The following DCP2 variants were observed in gnomAD, a reference collection of about 807,000 sequenced individuals.
DCP2 encodes decapping mRNA 2, also known as m7GpppN-mRNA hydrolase.
DCP2 carries 30 observed loss-of-function variants against 56.1 expected under a neutral mutation model. That is an observed-to-expected ratio of 0.53 (90% CI 0.40 to 0.73). The LOEUF is 0.73. DCP2 is among the 30% of genes least tolerant of loss of function. The pLI is 0.00. For synonymous variants in DCP2, 197 were observed against 163.3 expected (o/e 1.21, Z -1.57); for missense variants, 533 against 502.7 (o/e 1.06, Z -0.58).
rs778889207 is a variant in DCP2 at position 113,001,557 on chromosome 5, GT to G, written c.699-7del. 6.2e-7 allele frequency: 1 copy of G among 1,613,462 alleles called. No individual in the cohort carries two copies. The highest frequency in any genetic ancestry group is 8.5e-7 in the Non-Finnish European group (1 of 1,179,560). ...CATATTTTGAAAGTGAATTCTTAAT[GT>G]TTCTGCAGACCATTAAGGGACTGGC... On this transcript the variant is annotated splice_polypyrimidine_tract_variant and intron_variant, in intron 6 of 10. Coordinates refer to ENST00000389063, the MANE Select transcript of DCP2 (RefSeq NM_152624.6).
intron 1 of DCP2, among the ~76,000 whole-genome samples, chr5:112,979,225 G>T (rs1747882734): frequency 6.6e-6 from 1 of 152,014 alleles, no homozygotes; most frequent in Non-Finnish European, 1.5e-5. Flanking sequence ...TATAAATAAG[G>T]ATATGATATA....
chr5:112,977,378 C>T (rs762571760), intron 1 of DCP2, among the ~76,000 whole-genome samples: 1 of 152,176 alleles, frequency 6.6e-6, no homozygotes, highest in Non-Finnish European at 1.5e-5. Flanking sequence ...CTCCCTGTGT[C>T]TCATTCCCCG....
At chr5:113,000,901 A>T (rs879349976) in intron 4 of DCP2, among the ~76,000 whole-genome samples, 183 bp from the exon 5 acceptor site, 1 of 152,222 alleles carries the variant, frequency 6.6e-6, no homozygotes, top group Admixed American at 6.5e-5. Flanking sequence ...CAGTATTAGA[A>T]ACAATAGGGC....
chr5:112,984,691 A>ATATATATAT (rs1561685051), intron 1 of DCP2: 13 of 70,292 alleles, frequency 1.8e-4, no homozygotes, highest in African/African-American at 9.5e-4. Context: ...TTAATTAAAA[A>ATATATATAT]AAAAAAAAAA....
In DCP2 at chr5:113,021,817, G is replaced by A. The variant is rs1750155968; in HGVS notation, c.*8333G>A. On this transcript the variant is annotated 3_prime_UTR_variant, in exon 11 of 11. Coordinates refer to ENST00000389063, the MANE Select transcript of DCP2 (RefSeq NM_152624.6). The stretch of plus-strand genomic sequence containing the variant: ...CCTATATGACTTCCTTGCATTTCCA[G>A]TCCTTGATTACATTCCATTTTAATG... Among the ~76,000 whole-genome samples the A allele has an allele frequency of 6.6e-6, 1 of 152,160 alleles. No individual in the cohort carries two copies. Among genetic ancestry groups the A allele is most frequent in the Non-Finnish European group, 1.5e-5 (1 of 68,032 alleles).
rs558528915 is a variant in DCP2 at position 113,016,446 on chromosome 5, C to T, written c.*2962C>T. ...ACTTGCTGTTCTGAGCTTTGAATATCGTTATTTTTCTATTAAATATCAATT... is the reference window on the plus strand; with the variant it reads ...ACTTGCTGTTCTGAGCTTTGAATATTGTTATTTTTCTATTAAATATCAATT... On this transcript the variant is annotated 3_prime_UTR_variant, in exon 11 of 11. Coordinates refer to ENST00000389063, the MANE Select transcript of DCP2 (RefSeq NM_152624.6). 9 of 152,256 alleles carry T rather than the reference C, an allele frequency of 5.9e-5. No individual in the cohort carries two copies. The East Asian group carries it at 1.3e-3, about 23-fold the overall frequency. The allele number at this position is 152,256 out of a possible 1,614,324, so 9.4% of individuals were successfully genotyped here.
chr5:113,011,158 G>T (rs778260492), intron 10 of DCP2, among the ~76,000 whole-genome samples: 1 of 152,120 alleles, frequency 6.6e-6, no homozygotes, highest in African/African-American at 2.4e-5. Flanking sequence ...CTATATAAGG[G>T]GTGCACTGAC....
chr5:113,003,969 G>C lies in DCP2; in HGVS notation c.834G>C (p.Gln278His). 6.2e-7 allele frequency: 1 copy of C among 1,614,106 alleles called. No homozygotes were observed. Among genetic ancestry groups the C allele is most frequent in the South Asian group, 1.1e-5 (1 of 91,080 alleles). ...GAACCAAATTCCGCCACAGTCAGCA[G>C]TTATTTCCTGACGGTTCTCCTGGTG... is the stretch of plus-strand genomic sequence containing the variant. Reference protein sequence around the residue: ...LSRTKFRHSQQLFPDGSPGDQ... With the variant: ...LSRTKFRHSQHLFPDGSPGDQ... The change falls in exon 8 of 11, where the codon CAG (glutamine) becomes CAC (histidine). Residue 278 changes from glutamine (Q) to histidine (H), a missense_variant. Physicochemically the swap from Gln to His is conservative, Grantham distance 24. This residue lies in a region of DCP2 where 392 missense variants were observed against 346.6 expected (regional missense o/e 1.13). Coordinates refer to ENST00000389063, the MANE Select transcript of DCP2 (RefSeq NM_152624.6).
At chr5:112,991,824 C>T (rs1490425753) in intron 2 of DCP2, among the ~76,000 whole-genome samples, 2 of 152,106 alleles carry the variant, frequency 1.3e-5, no homozygotes, top group Middle Eastern at 3.2e-3. Context: ...GTTAGGGATC[C>T]AGGACTGTGA....
At chr5:112,994,940 A>G (rs541375884) in intron 4 of DCP2, among the ~76,000 whole-genome samples, 1 of 152,342 alleles carries the variant, frequency 6.6e-6, no homozygotes, top group South Asian at 2.1e-4. Flanking sequence ...ACATTTCATT[A>G]GAATTCATTG....
intron 7 of DCP2, among the ~76,000 whole-genome samples, chr5:113,003,631 A>G (rs563162512): frequency 1.3e-5 from 2 of 152,306 alleles, no homozygotes; most frequent in East Asian, 3.9e-4. Context: ...TAGTCTGCAT[A>G]TTTTTTAAGA....
intron 4 of DCP2, among the ~76,000 whole-genome samples, chr5:112,996,127 G>A (rs1027792296): frequency 9.9e-5 from 15 of 152,124 alleles, no homozygotes; most frequent in Non-Finnish European, 7.4e-5. Flanking sequence ...TTTGGTGAGG[G>A]GACATAATTT....
Position 112,976,872 on chromosome 5 carries a change from C to G in DCP2, c.-62C>G. 1.9e-6 allele frequency: 3 copies of G among 1,560,096 alleles called. No homozygotes were observed. Among genetic ancestry groups the G allele is most frequent in the Admixed American group, 1.7e-5 (1 of 59,960 alleles). ...CTCCGGCGAGCCGGAGTCCTAGTGC[C>G]GTACCGTCAGTCCCCGGCCGCGCGG... is the stretch of plus-strand genomic sequence containing the variant. On this transcript the variant is annotated 5_prime_UTR_variant, in exon 1 of 11. Transcript: ENST00000389063.
chr5:112,987,624 T>C (rs911702114), intron 2 of DCP2, among the ~76,000 whole-genome samples: 1,601 of 133,046 alleles, frequency 0.012, 12 homozygotes, highest in African/African-American at 0.042. Context: ...AGGTGCCTTT[T>C]TTTTTTTTTT....
chr5:113,009,747 A>G (rs1050378634), intron 9 of DCP2, among the ~76,000 whole-genome samples: 4 of 152,144 alleles, frequency 2.6e-5, no homozygotes, highest in African/African-American at 9.7e-5. Context: ...GAATTTCTTC[A>G]CATTATATTC....
At chr5:112,992,814 G>T (rs1333489851) in intron 4 of DCP2, 44 bp downstream of exon 4, 4 of 1,464,242 alleles carry the variant, frequency 2.7e-6, no homozygotes, top group Non-Finnish European at 2.7e-6. Context: ...GGCTATTAGG[G>T]TCTGAATGTA....
intron 7 of DCP2, among the ~76,000 whole-genome samples, chr5:113,002,250 C>G (rs1749214101): frequency 6.6e-6 from 1 of 151,922 alleles, no homozygotes; most frequent in African/African-American, 2.4e-5. Context: ...TGGTGAAACC[C>G]CATCTCTACT....
At position 113,001,427 on chromosome 5, in the gene DCP2, G is replaced by A; in HGVS notation, c.656G>A (p.Gly219Asp). The change falls in exon 6 of 11, where the codon GGT becomes GAT. Residue 219 changes from glycine (G) to aspartate (D), a missense_variant. Physicochemically the swap from Gly to Asp is moderately conservative, Grantham distance 94. This residue lies in a region of DCP2 where 392 missense variants were observed against 346.6 expected (regional missense o/e 1.13). Coordinates refer to ENST00000389063, the MANE Select transcript of DCP2 (RefSeq NM_152624.6). ...RNDMTPKSKLGLAPNKFFMAI... is the reference protein window; with the variant it reads ...RNDMTPKSKLDLAPNKFFMAI... The stretch of plus-strand genomic sequence containing the variant: ...GATATGACCCCCAAATCCAAACTTG[G>A]TTTGGCACCTAACAAATTTTTTATG... 1.2e-6 allele frequency: 2 copies of A among 1,614,006 alleles called. No individual in the cohort carries two copies. The highest frequency in any genetic ancestry group is 1.7e-6 in the Non-Finnish European group (2 of 1,180,000).
chr5:112,994,853 T>G, intron 4 of DCP2, among the ~76,000 whole-genome samples: 1 of 152,170 alleles, frequency 6.6e-6, no homozygotes, highest in East Asian at 1.9e-4. Context: ...AAGTAATATC[T>G]TTAAGGAAAA....
Sources: allele counts gnomAD v4.1 joint callset (sites outside exome capture counted in the v4.1 genomes callset), GRCh38; gene constraint gnomAD v4.1.1; regional missense constraint gnomAD v4.1.1; transcripts MANE v1.5; gene names NCBI Gene and HGNC (gene_info 2026-07-23, HGNC 2026-07-21).